The following BLTP2 variants were observed in gnomAD, a reference collection of about 807,000 sequenced individuals.
BLTP2 encodes the protein U937-associated antigen.
At chr17:28,639,374 G>C in the BLTP2 span, 16 of 1,613,906 alleles carry the variant, frequency 9.9e-6, no homozygotes, top group East Asian at 2.5e-4. Context: ...GTGCTAGCAG[G>C]TGCAGCCAGT....
At chr17:28,639,839 T>C in the BLTP2 span, 2 of 1,596,454 alleles carry the variant, frequency 1.3e-6, no homozygotes, top group Non-Finnish European at 1.7e-6. Context: ...ATATGGGGCA[T>C]GAGCAAAGAG....
the BLTP2 span, chr17:28,642,201 A>T: frequency 1.3e-6 from 2 of 1,580,678 alleles, no homozygotes; most frequent in Non-Finnish European, 1.7e-6. Context: ...AGAACCTAGG[A>T]TGTAAGCCCT....
At chr17:28,627,725 C>G in the BLTP2 span, among the ~76,000 whole-genome samples, 2 of 151,106 alleles carry the variant, frequency 1.3e-5, no homozygotes, top group Non-Finnish European at 2.9e-5. Context: ...AGATGGAGTC[C>G]TGCTCTATCA....
At chr17:28,631,751 G>A in the BLTP2 span, 120 of 1,600,298 alleles carry the variant, frequency 7.5e-5, no homozygotes, top group Non-Finnish European at 9.8e-5. Context: ...AGATGGAGGA[G>A]GGGAATGGAA....
At chr17:28,625,334 C>CAAAAAAAAAAAAAAAA in the BLTP2 span, among the ~76,000 whole-genome samples, 2 of 29,064 alleles carry the variant, frequency 6.9e-5, no homozygotes, top group South Asian at 1.9e-3. Context: ...GACTCCGTCT[C>CAAAAAAAAAAAAAAAA]AAAAAAAAAA....
the BLTP2 span, chr17:28,639,687 C>T: frequency 1.3e-6 from 2 of 1,579,084 alleles, no homozygotes; most frequent in East Asian, 4.5e-5. Context: ...ACTGGAAGGG[C>T]AAGAGGTAAA....
chr17:28,631,450 G>C, the BLTP2 span: 1 of 1,592,164 alleles, frequency 6.3e-7, no homozygotes, highest in South Asian at 1.1e-5. Flanking sequence ...ATATAAATAA[G>C]GTAATAAAGA....
chr17:28,620,411 AG>A, the BLTP2 span: 2 of 1,392,722 alleles, frequency 1.4e-6, no homozygotes, highest in Non-Finnish European at 2.0e-6. Flanking sequence ...GCCCTTTTTC[AG>A]TGTGAAGCAT....
chr17:28,621,958 A>T, the BLTP2 span, among the ~76,000 whole-genome samples: 1 of 152,192 alleles, frequency 6.6e-6, no homozygotes, highest in Non-Finnish European at 1.5e-5. Flanking sequence ...AGAGTGAATA[A>T]CATTGAGTGA....
the BLTP2 span, chr17:28,619,742 G>A: frequency 1.2e-6 from 2 of 1,613,750 alleles, no homozygotes; most frequent in Admixed American, 3.3e-5. Flanking sequence ...TTCAGGTCAA[G>A]CAGATTCTCA....
the BLTP2 span, chr17:28,616,464 G>A: frequency 3.7e-6 from 6 of 1,614,166 alleles, no homozygotes; most frequent in Non-Finnish European, 5.1e-6. The surrounding 1 kb of genome is among the most constrained non-coding windows in gnomAD (Gnocchi z 4.8). Flanking sequence ...CAGTGGTACT[G>A]CATCATCTGT....
At chr17:28,615,176 G>A in the BLTP2 span, 17 of 1,613,968 alleles carry the variant, frequency 1.1e-5, no homozygotes, top group South Asian at 6.6e-5. Flanking sequence ...GTTCAGGTCC[G>A]ATTTAGTTTC....
the BLTP2 span, chr17:28,633,788 A>G: frequency 6.2e-6 from 10 of 1,603,664 alleles, no homozygotes; most frequent in Non-Finnish European, 8.5e-6. Flanking sequence ...CTTGTTCACA[A>G]CATTACCCCT....
chr17:28,634,052 C>A, the BLTP2 span: 1 of 1,614,070 alleles, frequency 6.2e-7, no homozygotes, highest in Admixed American at 1.7e-5. Context: ...AGTCACGGAT[C>A]TCAAACAGGT....
At chr17:28,645,051 A>G in the BLTP2 span, 4 of 1,599,508 alleles carry the variant, frequency 2.5e-6, no homozygotes, top group Non-Finnish European at 2.6e-6. Context: ...AGAAGAACAG[A>G]GGCATTTAGG....
the BLTP2 span, among the ~76,000 whole-genome samples, chr17:28,622,852 G>A: frequency 6.6e-6 from 1 of 152,174 alleles, no homozygotes; most frequent in Non-Finnish European, 1.5e-5. Flanking sequence ...CGAGGCGGGC[G>A]GATCACGAGG....
At chr17:28,628,319 G>A in the BLTP2 span, 10,589 of 1,614,142 alleles carry the variant, frequency 6.6e-3, 57 homozygotes, top group Non-Finnish European at 7.8e-3. Flanking sequence ...TTAACACGAG[G>A]TGGGGCTGAG....
At chr17:28,623,280 G>A in the BLTP2 span, among the ~76,000 whole-genome samples, 1 of 152,168 alleles carries the variant, frequency 6.6e-6, no homozygotes, top group East Asian at 1.9e-4. Flanking sequence ...ACTTGTCCAA[G>A]AGCTCATGGC....
the BLTP2 span, chr17:28,628,398 G>A: frequency 1.1e-5 from 18 of 1,614,012 alleles, no homozygotes; most frequent in African/African-American, 2.1e-4. Context: ...ACCCCTTCAG[G>A]GCCTCAGTAG....
Sources: allele counts gnomAD v4.1 joint callset (sites outside exome capture counted in the v4.1 genomes callset), GRCh38; gene constraint gnomAD v4.1.1; non-coding constraint Gnocchi (gnomAD v3.1); transcripts MANE v1.5; gene names NCBI Gene and HGNC (gene_info 2026-07-23, HGNC 2026-07-21).